Variants in STIM1 observed in about 807,000 individuals in gnomAD.
STIM1 encodes stromal interaction molecule 1.
In STIM1, 25 loss-of-function variants were observed where a neutral mutation model predicts 74.7. The ratio of observed to expected loss-of-function variants is 0.33; its 90% CI spans 0.24 to 0.47. The LOEUF (loss-of-function observed/expected upper bound fraction) is 0.47. Ranked by LOEUF, STIM1 falls within the 20% of genes least tolerant of loss-of-function variation. The probability of loss-of-function intolerance (pLI) is 1.00; values close to 1 mark genes in which losing one functional copy is unlikely to be tolerated. For missense variants in STIM1, 728 were observed against 920.8 expected, an observed-to-expected ratio of 0.79 and a Z score of 2.71; for synonymous variants, 328 against 348.8, an observed-to-expected ratio of 0.94 and a Z score of 0.66.
At chr11:3,920,104 A>G (rs2092698928) in intron 1 of STIM1, among the ~76,000 whole-genome samples, 1 of 139,866 alleles carries the variant, frequency 7.1e-6, no homozygotes. Flanking sequence ...ACATTCCATA[A>G]AACTTATTAT....
chr11:3,958,635 T>C (rs1264813955), intron 1 of STIM1, among the ~76,000 whole-genome samples: 1 of 152,150 alleles, frequency 6.6e-6, no homozygotes, highest in Admixed American at 6.5e-5. Context: ...GGACCTTTCT[T>C]GGATAACTCC....
chr11:3,894,709 G>C (rs1003177821), intron 1 of STIM1, among the ~76,000 whole-genome samples: 3 of 152,044 alleles, frequency 2.0e-5, no homozygotes, highest in Non-Finnish European at 2.9e-5. Flanking sequence ...GACAAAGAAT[G>C]AAGGGTATCT....
chr11:3,976,636 A>G (rs2093450927), intron 2 of STIM1, among the ~76,000 whole-genome samples: 1 of 152,162 alleles, frequency 6.6e-6, no homozygotes, highest in Admixed American at 6.5e-5. Context: ...TTTCCTCTAT[A>G]TATCCAGGAA....
chr11:3,941,628 T>G (rs58902379), intron 1 of STIM1, among the ~76,000 whole-genome samples: 49 of 106,530 alleles, frequency 4.6e-4, no homozygotes, highest in African/African-American at 1.6e-3. Flanking sequence ...CATATATATA[T>G]ATAGAGAGAT....
chr11:3,920,979 A>AGAGACGGGGTTTCACCATGTT (rs2135520994), intron 1 of STIM1, among the ~76,000 whole-genome samples: 1 of 152,136 alleles, frequency 6.6e-6, no homozygotes, highest in East Asian at 1.9e-4. Context: ...TATTTTTAGT[A>AGAGACGGGGTTTCACCATGTT]GAGACGGGGT....
chr11:4,000,957 A>C (rs1281051207), intron 2 of STIM1, among the ~76,000 whole-genome samples: 6 of 152,360 alleles, frequency 3.9e-5, no homozygotes, highest in South Asian at 2.1e-4. Flanking sequence ...CTCAGGACCC[A>C]ATGCGATCAA....
chr11:4,056,688 T>G (rs1590679415), intron 4 of STIM1, among the ~76,000 whole-genome samples: 7 of 152,250 alleles, frequency 4.6e-5, no homozygotes, highest in Admixed American at 4.6e-4. Flanking sequence ...TGTTCCCTCC[T>G]CTGCTGCCTG....
chr11:4,058,471 G>A (rs1307634094), intron 4 of STIM1, among the ~76,000 whole-genome samples: 7 of 152,294 alleles, frequency 4.6e-5, no homozygotes, highest in African/African-American at 1.7e-4. Context: ...TCAGAAAAGA[G>A]CACCAATCTT....
chr11:3,870,483 A>G (rs2091040441), intron 1 of STIM1, among the ~76,000 whole-genome samples: 1 of 152,112 alleles, frequency 6.6e-6, no homozygotes, highest in African/African-American at 2.4e-5. Flanking sequence ...GCTTTCTATA[A>G]TACTCTTTTT....
chr11:4,011,577 T>C (rs945539014), intron 2 of STIM1, among the ~76,000 whole-genome samples: 1 of 152,198 alleles, frequency 6.6e-6, no homozygotes, highest in African/African-American at 2.4e-5. Context: ...GGGTTGTTTG[T>C]TTTTTTCTTG....
intron 7 of STIM1, 37 bp downstream of exon 7, chr11:4,074,716 G>C: frequency 6.5e-7 from 1 of 1,549,494 alleles, no homozygotes; most frequent in Non-Finnish European, 8.7e-7. Flanking sequence ...ACCTTGACGG[G>C]TGGGTAAAGG....
chr11:3,928,716 C>G (rs2092820639), intron 1 of STIM1, among the ~76,000 whole-genome samples: 1 of 152,140 alleles, frequency 6.6e-6, no homozygotes, highest in Non-Finnish European at 1.5e-5. Context: ...TGGAAGGCAT[C>G]TCTTGAGTCT....
In STIM1 at chr11:4,092,097, G is replaced by A. The variant is rs942772303; in HGVS notation, c.*299G>A. Reference sequence around the variant, plus strand: ...TCCCTCAGCTCCCAGCTCCACCTCTGGGGTTCAGCTTCTGTCTCTGCTGTC... The same window carrying A: ...TCCCTCAGCTCCCAGCTCCACCTCTAGGGTTCAGCTTCTGTCTCTGCTGTC... On this transcript the variant is annotated 3_prime_UTR_variant, in exon 13 of 13. Coordinates refer to ENST00000526596, the MANE Select transcript of STIM1 (RefSeq NM_001382567.1). 4.3e-6 allele frequency: 2 copies of A among 467,850 alleles called. No individual in the cohort carries two copies. The highest frequency in any genetic ancestry group is 2.0e-5 in the African/African-American group (1 of 51,232). 29.0% of individuals were successfully genotyped at this position (467,850 alleles called of 1,614,324 possible).
At chr11:3,981,739 C>T (rs1767103894) in intron 2 of STIM1, among the ~76,000 whole-genome samples, 1 of 152,188 alleles carries the variant, frequency 6.6e-6, no homozygotes, top group African/African-American at 2.4e-5. Flanking sequence ...CCCTACCCTT[C>T]TGCCCTATGT....
At chr11:3,860,370 T>G (rs566162059) in intron 1 of STIM1, among the ~76,000 whole-genome samples, 1 of 152,288 alleles carries the variant, frequency 6.6e-6, no homozygotes, top group African/African-American at 2.4e-5. Context: ...CATAGAGAGG[T>G]TAAATAACTT....
At chr11:3,999,955 C>T in intron 2 of STIM1, among the ~76,000 whole-genome samples, 1 of 152,164 alleles carries the variant, frequency 6.6e-6, no homozygotes, top group Non-Finnish European at 1.5e-5. Context: ...CTCGGAGGGT[C>T]CTACGCCCAT....
chr11:4,086,350 C>G, intron 11 of STIM1, 127 bp from the exon 12 acceptor site: 2 of 1,054,516 alleles, frequency 1.9e-6, no homozygotes, highest in South Asian at 2.9e-5. Flanking sequence ...GAGGAGGTGC[C>G]CCATTCTCCA....
chr11:3,893,361 T>A (rs908474855), intron 1 of STIM1, among the ~76,000 whole-genome samples: 13 of 152,212 alleles, frequency 8.5e-5, no homozygotes, highest in Admixed American at 7.2e-4. Flanking sequence ...AATTGTACAT[T>A]TACCTACAAT....
intron 1 of STIM1, among the ~76,000 whole-genome samples, chr11:3,924,175 T>G (rs1336933100): frequency 2.0e-5 from 3 of 150,824 alleles, no homozygotes; most frequent in Non-Finnish European, 4.4e-5. Flanking sequence ...TGTCTTGTAG[T>G]GGTCTTATAT....
Sources: gnomAD v4.1 joint callset for allele counts (sites outside exome capture counted in the v4.1 genomes callset) on GRCh38, gnomAD v4.1.1 for gene constraint, MANE v1.5 for transcripts, NCBI Gene and HGNC (gene_info 2026-07-23, HGNC 2026-07-21) for gene names.